The following EYS variants were observed in gnomAD, a reference collection of about 807,000 sequenced individuals.
The protein encoded by EYS is protein eyes shut homolog.
EYS carries 250 observed loss-of-function variants against 282.1 expected under a neutral mutation model. The ratio of observed to expected loss-of-function variants is 0.89; its 90% CI spans 0.80 to 0.98. The LOEUF is 0.98. Among genes scored for constraint, EYS ranks in the 50% least tolerant of loss-of-function variants. EYS has a pLI of 0.00. For synonymous variants in EYS, 1,355 were observed against 1,282.9 expected, an observed-to-expected ratio of 1.06 and a Z score of -1.20; for missense variants, 4,016 against 3,709.0, an observed-to-expected ratio of 1.08 and a Z score of -2.15.
rs533721424 is a variant in EYS, at chr6:65,512,702, T to A, written c.-332-16709A>T. On this transcript the variant is annotated intron_variant, in intron 2 of 42. Coordinates refer to ENST00000503581, the MANE Select transcript of EYS (RefSeq NM_001142800.2). ...TCCTGAATGACTACTGGGCACATAATGAAATGAAGGCAGAAATAAAGATGT... is the reference window on the plus strand; with the variant it reads ...TCCTGAATGACTACTGGGCACATAAAGAAATGAAGGCAGAAATAAAGATGT... 7.3e-5 allele frequency among the ~76,000 whole-genome samples: 11 copies of A among 151,648 alleles called. No individual in the cohort carries two copies. The South Asian group carries it at 2.1e-3, about 29-fold the overall frequency.
At chr6:65,078,131 G>A (rs1774112968) in intron 12 of EYS, among the ~76,000 whole-genome samples, 1 of 152,056 alleles carries the variant, frequency 6.6e-6, no homozygotes, top group Non-Finnish European at 1.5e-5. Context: ...GTTATTGTAA[G>A]ATGATTGCTT....
chr6:65,624,464 A>C (rs1766626334), intron 2 of EYS, among the ~76,000 whole-genome samples: 1 of 152,280 alleles, frequency 6.6e-6, no homozygotes, highest in African/African-American at 2.4e-5. Flanking sequence ...CTGAATTCAG[A>C]AAGATGCTGT....
intron 1 of EYS, among the ~76,000 whole-genome samples, chr6:65,654,969 G>A (rs1226507250): frequency 7.4e-6 from 1 of 135,550 alleles, no homozygotes; most frequent in Non-Finnish European, 1.5e-5. Flanking sequence ...AAGAGTCTGG[G>A]TCATTCATTA....
chr6:64,623,694 G>A (rs1432013331), intron 23 of EYS, among the ~76,000 whole-genome samples: 1 of 152,000 alleles, frequency 6.6e-6, no homozygotes, highest in African/African-American at 2.4e-5. Context: ...GTTCCTTTTG[G>A]GGGTAAAGAG....
chr6:65,312,029 G>A (rs1769174536), intron 11 of EYS, among the ~76,000 whole-genome samples: 1 of 151,862 alleles, frequency 6.6e-6, no homozygotes, highest in African/African-American at 2.4e-5. Context: ...GATATAGCCA[G>A]TGACATAATT....
intron 12 of EYS, among the ~76,000 whole-genome samples, chr6:65,193,095 C>A (rs1015204373): frequency 4.0e-5 from 6 of 151,850 alleles, no homozygotes; most frequent in African/African-American, 1.4e-4. Context: ...TACGTTCTCA[C>A]TCATCTGTGG....
chr6:64,101,139 T>A (rs554987765), intron 31 of EYS, among the ~76,000 whole-genome samples: 1 of 152,316 alleles, frequency 6.6e-6, no homozygotes, highest in East Asian at 1.9e-4. Context: ...ACTGTGGAAA[T>A]GACATTCTGA....
At chr6:65,295,759 C>A in intron 12 of EYS, 104 bp downstream of exon 12, 1 of 997,050 alleles carries the variant, frequency 1.0e-6, no homozygotes, top group East Asian at 2.7e-5. Flanking sequence ...GACAACAATA[C>A]CAATCAATAG....
chr6:64,416,285 AAAG>A (rs1774055644), intron 28 of EYS, among the ~76,000 whole-genome samples: 2 of 152,180 alleles, frequency 1.3e-5, no homozygotes, highest in African/African-American at 4.8e-5. Flanking sequence ...TTATAATCAA[AAAG>A]AATAAGAACC....
chr6:65,034,788 A>G (rs1251140610), intron 13 of EYS, among the ~76,000 whole-genome samples: 1 of 152,120 alleles, frequency 6.6e-6, no homozygotes. Flanking sequence ...ATAGCCTAAC[A>G]CTAGCTACTA....
intron 18 of EYS, among the ~76,000 whole-genome samples, chr6:64,891,609 T>G (rs1047928868): frequency 2.0e-5 from 3 of 152,116 alleles, no homozygotes; most frequent in Non-Finnish European, 2.9e-5. Flanking sequence ...GTATTTTCCT[T>G]TCGCTATTAC....
chr6:65,393,831 T>C (rs566959300), intron 7 of EYS, among the ~76,000 whole-genome samples: 1 of 151,220 alleles, frequency 6.6e-6, no homozygotes, highest in Non-Finnish European at 1.5e-5. Context: ...CTAAATCCAG[T>C]GAGTAGAAAA....
intron 18 of EYS, among the ~76,000 whole-genome samples, chr6:64,893,200 T>C (rs184013553): frequency 7.9e-5 from 12 of 152,164 alleles, no homozygotes; most frequent in Admixed American, 2.0e-4. Flanking sequence ...TAAATTCCAG[T>C]GTTCACTTTT....
At chr6:65,334,930 T>C (rs749953118) in intron 11 of EYS, 50 bp downstream of exon 11, 3 of 1,534,054 alleles carry the variant, frequency 2.0e-6, no homozygotes, top group Non-Finnish European at 1.8e-6. Context: ...ATCAATTTAA[T>C]TATAACTTTT....
rs142792288 is a variant in EYS at position 64,017,347 on chromosome 6, TG to T, written c.6726-18165del. 1.8e-3 allele frequency among the ~76,000 whole-genome samples: 278 copies of T among 152,138 alleles called. 1 individual carries two copies. Among genetic ancestry groups the T allele is most frequent in the African/African-American group, 6.3e-3 (263 of 41,514 alleles). ...TACAATTGTGGGACTCTCTGCATGC[TG>T]GGGGTGGGAGATCTGTGGGTACTGA... On this transcript the variant is annotated intron_variant, in intron 33 of 42. Coordinates refer to ENST00000503581, the MANE Select transcript of EYS (RefSeq NM_001142800.2).
intron 9 of EYS, among the ~76,000 whole-genome samples, chr6:65,352,120 T>C (rs533601475): frequency 2.8e-4 from 43 of 152,028 alleles, no homozygotes; most frequent in African/African-American, 9.9e-4. Context: ...ATTAATGAAC[T>C]GATAACTATT....
chr6:65,560,489 G>A (rs1769012259), intron 2 of EYS, among the ~76,000 whole-genome samples: 1 of 148,858 alleles, frequency 6.7e-6, no homozygotes. Flanking sequence ...CCATTATTTT[G>A]TAACTTTCAC....
chr6:64,596,580 T>C (rs1766594035), intron 24 of EYS, among the ~76,000 whole-genome samples: 1 of 152,184 alleles, frequency 6.6e-6, no homozygotes, highest in Non-Finnish European at 1.5e-5. Flanking sequence ...AGCTAGCTGA[T>C]TTTTGATAGA....
chr6:65,431,118 T>C (rs1462669624), intron 5 of EYS, among the ~76,000 whole-genome samples: 2 of 152,218 alleles, frequency 1.3e-5, no homozygotes, highest in East Asian at 1.9e-4. Flanking sequence ...ATTTGCCTTT[T>C]CTACCACCAC....
Sources: gnomAD v4.1 joint callset for allele counts (sites outside exome capture counted in the v4.1 genomes callset) on GRCh38, gnomAD v4.1.1 for gene constraint, MANE v1.5 for transcripts, NCBI Gene and HGNC (gene_info 2026-07-23, HGNC 2026-07-21) for gene names.